Variants in LVRN observed in about 807,000 individuals in gnomAD.
LVRN encodes laeverin.
A neutral mutation model predicts 111.4 loss-of-function variants in LVRN; 99 were observed. That is an observed-to-expected ratio of 0.89 (90% confidence interval 0.76 to 1.05). The LOEUF is 1.05. Ranked by LOEUF, LVRN falls within the 50% of genes least tolerant of loss-of-function variation. LVRN has a pLI of 0.00. For missense variants in LVRN, 1,414 were observed against 1,206.8 expected, an observed-to-expected ratio of 1.17 and a Z score of -2.54; for synonymous variants, 488 against 449.5, an observed-to-expected ratio of 1.09 and a Z score of -1.08.
At chr5:115,967,362 A>G (rs1753225828) in intron 1 of LVRN, among the ~76,000 whole-genome samples, 1 of 152,018 alleles carries the variant, frequency 6.6e-6, no homozygotes, top group African/African-American at 2.4e-5. Flanking sequence ...ATGGATATCC[A>G]TTTTTTCCAG....
At chr5:115,969,300 T>G (rs1753271014) in intron 1 of LVRN, among the ~76,000 whole-genome samples, 2 of 152,150 alleles carry the variant, frequency 1.3e-5, no homozygotes, top group Non-Finnish European at 2.9e-5. Context: ...TTTTTTCTCC[T>G]CTTCTCTGGG....
intron 12 of LVRN, among the ~76,000 whole-genome samples, chr5:116,005,521 T>C (rs1748342993): frequency 6.6e-6 from 1 of 152,190 alleles, no homozygotes; most frequent in Non-Finnish European, 1.5e-5. Flanking sequence ...CTAAATAATA[T>C]TTATTTAAGG....
chr5:115,975,288 C>A, intron 1 of LVRN: 1 of 364,326 alleles, frequency 2.7e-6, no homozygotes, highest in South Asian at 2.6e-5. Flanking sequence ...TTACACTTCT[C>A]AGGCTGACAA....
intron 1 of LVRN, among the ~76,000 whole-genome samples, chr5:115,972,479 TA>T (rs982929385): frequency 3.3e-5 from 5 of 151,344 alleles, no homozygotes; most frequent in South Asian, 2.1e-4. Context: ...TCTTTTTATT[TA>T]AAAAAAAGCT....
At chr5:115,973,525 C>A (rs6866413) in intron 1 of LVRN, among the ~76,000 whole-genome samples, 85,518 of 151,944 alleles carry the variant, frequency 0.56, 24,992 homozygotes, top group East Asian at 0.74. Flanking sequence ...CCATGAGGCT[C>A]TCTGGGCCTA....
intron 3 of LVRN, among the ~76,000 whole-genome samples, chr5:115,986,143 G>C (rs1354049016): frequency 6.6e-6 from 1 of 152,214 alleles, no homozygotes; most frequent in Admixed American, 6.5e-5. Context: ...ATGGCAGCTT[G>C]TTATCTTCCT....
Position 115,999,837 on chromosome 5 carries a change from A to G in LVRN, c.1450A>G (p.Met484Val). The change falls in exon 7 of 20, where the codon ATG becomes GTG. Residue 484 changes from methionine (M) to valine (V), a missense_variant. By Grantham distance (21) the Met-to-Val change is conservative. Transcript: ENST00000357872. ...CGCCCTGGTGACTAGAGCTGTGGCC[A>G]TGAAGGTGGAAAATTTCAAAACAAG... ...DHALVTRAVAMKVENFKTSEI... is the reference protein window; with the variant it reads ...DHALVTRAVAVKVENFKTSEI... 2 of 1,613,716 alleles carry G rather than the reference A, an allele frequency of 1.2e-6. No homozygotes were observed. Among genetic ancestry groups the G allele is most frequent in the Non-Finnish European group, 1.7e-6 (2 of 1,179,770 alleles).
chr5:115,978,008 G>T (rs971510783), intron 1 of LVRN, among the ~76,000 whole-genome samples: 6 of 152,194 alleles, frequency 3.9e-5, no homozygotes, highest in South Asian at 2.1e-4. Context: ...ATTTTGGGGG[G>T]CCAAATAAAG....
At chr5:115,998,393 A>G (rs1748166070) in intron 6 of LVRN, among the ~76,000 whole-genome samples, 1 of 152,226 alleles carries the variant, frequency 6.6e-6, no homozygotes, top group African/African-American at 2.4e-5. Context: ...AAAATGCTAT[A>G]ACAAGTAAAT....
chr5:115,999,966 C>G, intron 7 of LVRN, 64 bp downstream of exon 7: 1 of 1,504,928 alleles, frequency 6.6e-7, no homozygotes, highest in Non-Finnish European at 9.0e-7. Context: ...AAAATGGATT[C>G]TAAGGGTCCT....
At chr5:115,973,696 T>A (rs1753376164) in intron 1 of LVRN, among the ~76,000 whole-genome samples, 4 of 152,216 alleles carry the variant, frequency 2.6e-5, no homozygotes, top group Admixed American at 6.5e-5. Flanking sequence ...AGTACAAAAT[T>A]GTTCAAAATA....
intron 19 of LVRN, 134 bp from the exon 20 acceptor site, chr5:116,025,844 G>A (rs533178212): frequency 2.5e-4 from 273 of 1,100,752 alleles, no homozygotes; most frequent in Non-Finnish European, 3.3e-4. Context: ...ACACAACCTA[G>A]GAGTATACAT....
At chr5:116,004,244 A>G (rs575469829) in intron 12 of LVRN, among the ~76,000 whole-genome samples, 4 of 152,256 alleles carry the variant, frequency 2.6e-5, no homozygotes, top group Admixed American at 1.3e-4. Context: ...AACTATAAGT[A>G]ACTATGCAGT....
At chr5:115,967,196 T>C (rs1036271241) in intron 1 of LVRN, among the ~76,000 whole-genome samples, 1 of 152,230 alleles carries the variant, frequency 6.6e-6, no homozygotes, top group Non-Finnish European at 1.5e-5. Context: ...TAATGGATCA[T>C]GCTGTTGGTG....
intron 1 of LVRN, among the ~76,000 whole-genome samples, chr5:115,977,214 T>C (rs948006863): frequency 6.6e-6 from 1 of 152,186 alleles, no homozygotes; most frequent in African/African-American, 2.4e-5. Flanking sequence ...AGTTACCTCT[T>C]CTCTTATACT....
At chr5:116,015,004 G>C (rs980934353) in intron 16 of LVRN, among the ~76,000 whole-genome samples, 3 of 152,022 alleles carry the variant, frequency 2.0e-5, no homozygotes, top group African/African-American at 7.2e-5. Context: ...AGACCAACTT[G>C]TATTATCAAT....
chr5:116,023,153 G>A (rs571078203), intron 19 of LVRN, among the ~76,000 whole-genome samples: 15 of 152,064 alleles, frequency 9.9e-5, no homozygotes, highest in Non-Finnish European at 1.8e-4. Context: ...CCCCCTCCTC[G>A]CCTATGCTTT....
chr5:116,013,606 C>T (rs73263182), intron 15 of LVRN, among the ~76,000 whole-genome samples: 7 of 151,940 alleles, frequency 4.6e-5, no homozygotes, highest in Non-Finnish European at 7.4e-5. Context: ...TGTCTCTCAG[C>T]GGACCTCCAC....
chr5:116,014,092 A>G (rs1215227717), intron 15 of LVRN, among the ~76,000 whole-genome samples: 3 of 152,218 alleles, frequency 2.0e-5, no homozygotes, highest in Non-Finnish European at 1.5e-5. Context: ...GCAGTAAAAG[A>G]CAGGAAAAAT....
Sources: allele counts gnomAD v4.1 joint callset (sites outside exome capture counted in the v4.1 genomes callset), GRCh38; gene constraint gnomAD v4.1.1; transcripts MANE v1.5; gene names NCBI Gene and HGNC (gene_info 2026-07-23, HGNC 2026-07-21).